Variants in COG2 observed in about 807,000 individuals in gnomAD.
COG2 encodes the protein component of oligomeric golgi complex 2.
A neutral mutation model predicts 90.6 loss-of-function variants in COG2; 52 were observed. The observed-to-expected ratio is 0.57, with a 90% confidence interval of 0.46 to 0.72. The LOEUF (loss-of-function observed/expected upper bound fraction) is 0.72, where lower values mean the gene tolerates loss of function less well. Among genes scored for constraint, COG2 ranks in the 30% least tolerant of loss-of-function variants. The pLI is 0.00. For missense variants in COG2, 829 were observed against 891.2 expected, an observed-to-expected ratio of 0.93 and a Z score of 0.89; for synonymous variants, 337 against 320.4, an observed-to-expected ratio of 1.05 and a Z score of -0.55.
At position 230,693,721 on chromosome 1, in the gene COG2, A is replaced by G. The variant is rs1188795926; in HGVS notation, c.*328A>G. The G allele has an allele frequency of 5.6e-6, 1 of 179,442 alleles. No individual in the cohort carries two copies. Among genetic ancestry groups the G allele is most frequent in the Non-Finnish European group, 1.2e-5 (1 of 86,144 alleles). The allele number at this position is 179,442 out of a possible 1,614,324, so 11.1% of individuals were successfully genotyped here. ...GATTTCTAAAATATGATTAAAGTAA[A>G]TATATACCTATGAATATCAAGAGTC... On this transcript the variant is annotated 3_prime_UTR_variant, in exon 18 of 18. Transcript: ENST00000366669.
chr1:230,676,275 T>C (rs1220427803), intron 9 of COG2, among the ~76,000 whole-genome samples: 1 of 152,190 alleles, frequency 6.6e-6, no homozygotes, highest in Non-Finnish European at 1.5e-5. Flanking sequence ...CTTCCTCCCT[T>C]CTTTTTTCAC....
At chr1:230,691,620 G>A (rs1257280961) in intron 17 of COG2, 56 bp downstream of exon 17, 8 of 1,524,514 alleles carry the variant, frequency 5.2e-6, no homozygotes, top group Admixed American at 1.8e-5. Flanking sequence ...TCTGAGAGCC[G>A]GGCAGTTACT....
chr1:230,647,217 T>C (rs1661809387), intron 1 of COG2, among the ~76,000 whole-genome samples: 1 of 152,206 alleles, frequency 6.6e-6, no homozygotes, highest in Non-Finnish European at 1.5e-5. Flanking sequence ...TTAGTAGCTA[T>C]CTTGGTTATC....
Position 230,687,987 on chromosome 1 carries a change from T to C in COG2, c.1579-84T>C. On this transcript the variant is annotated intron_variant, in intron 13 of 17. Coordinates refer to ENST00000366669, the MANE Select transcript of COG2 (RefSeq NM_007357.3). ...AAGTTCACCATTCATTAGCAAATTC[T>C]AGAGTTTGTAGATGCAAATAGAATT... 3.4e-6 allele frequency: 3 copies of C among 885,050 alleles called. No individual in the cohort carries two copies. The South Asian group carries it at 5.2e-5, about 15-fold the overall frequency. 54.8% of individuals were successfully genotyped at this position (885,050 alleles called of 1,614,324 possible). A position where few individuals can be genotyped will look rare whatever the true frequency, so the allele number is the denominator to read the frequency against.
At position 230,663,151 on chromosome 1, in the gene COG2, C is replaced by T. The variant is rs773367874; in HGVS notation, c.311C>T (p.Ser104Leu). The stretch of plus-strand genomic sequence containing the variant: ...TTTTGTCTTTTAAAGAGCCTTAGAT[C>T]GTCTGTCAGTGAAGGAATTCGGGCA... ...QLREEVLSLR[S>L]SVSEGIRAVD... The change falls in exon 4 of 18, where the codon TCG becomes TTG. Residue 104 changes from serine to leucine, a missense_variant. Transcript: ENST00000366669. The T allele has an allele frequency of 5.6e-6, 9 of 1,604,764 alleles. No homozygotes were observed. The highest frequency in any genetic ancestry group is 3.4e-5 in the Admixed American group (2 of 59,014).
intron 10 of COG2, chr1:230,679,728 A>C (rs1326022132): frequency 6.6e-6 from 1 of 152,220 alleles, no homozygotes; most frequent in Non-Finnish European, 1.5e-5. Flanking sequence ...ACATGATAAG[A>C]GTCATTTTTG....
intron 10 of COG2, chr1:230,679,928 A>T (rs1041290150): frequency 2.0e-5 from 3 of 152,210 alleles, no homozygotes; most frequent in African/African-American, 7.2e-5. Context: ...TACCCTGATG[A>T]TAATTGCTTG....
intron 3 of COG2, among the ~76,000 whole-genome samples, chr1:230,661,985 A>G (rs1013613633): frequency 2.6e-5 from 4 of 151,792 alleles, no homozygotes; most frequent in African/African-American, 9.7e-5. Context: ...CCTTGGAGAT[A>G]GGGTGTTTTC....
intron 11 of COG2, 44 bp from the exon 12 acceptor site, chr1:230,685,041 G>A: frequency 6.2e-7 from 1 of 1,606,988 alleles, no homozygotes; most frequent in Non-Finnish European, 8.5e-7. Flanking sequence ...GCCTAAAATT[G>A]CCTGAAATTC....
chr1:230,678,684 G>A, intron 9 of COG2: 5 of 1,441,896 alleles, frequency 3.5e-6, no homozygotes, highest in South Asian at 1.2e-5. Flanking sequence ...CTGGGTCTCA[G>A]ATGGGCTTTG....
intron 11 of COG2, 149 bp from the exon 12 acceptor site, chr1:230,684,936 G>C (rs576861678): frequency 1.2e-6 from 1 of 848,438 alleles, no homozygotes; most frequent in South Asian, 1.7e-5. Flanking sequence ...CGTCATCCCT[G>C]TGCCTCCAAC....
At position 230,668,747 on chromosome 1, in the gene COG2, A is replaced by G; in HGVS notation, c.557A>G (p.Gln186Arg). ...EFNQLQFHAV[Q>R]SKGMPLLDKV... The stretch of plus-strand genomic sequence containing the variant: ...AATCAGTTACAGTTTCATGCTGTTC[A>G]AAGCAAAGGCATGCCTCTTTTGGAC... The change falls in exon 6 of 18, where the codon CAA becomes CGA. Residue 186 changes from glutamine (Q) to arginine (R), a missense_variant. Transcript: ENST00000366669. The G allele has an allele frequency of 2.5e-6, 4 of 1,612,354 alleles. No homozygotes were observed. Among genetic ancestry groups the G allele is most frequent in the Non-Finnish European group, 3.4e-6 (4 of 1,179,082 alleles).
At chr1:230,645,401 C>T (rs1376854035) in intron 1 of COG2, among the ~76,000 whole-genome samples, 3 of 152,132 alleles carry the variant, frequency 2.0e-5, no homozygotes, top group African/African-American at 7.2e-5. Context: ...TCATATCCTT[C>T]TGTCTCACGT....
intron 16 of COG2, among the ~76,000 whole-genome samples, chr1:230,690,509 C>G (rs1663001187): frequency 6.6e-6 from 1 of 152,332 alleles, no homozygotes; most frequent in African/African-American, 2.4e-5. Flanking sequence ...CAAAGTGGCT[C>G]TAATCATAAC....
chr1:230,674,691 A>G (rs1662541768), intron 8 of COG2, among the ~76,000 whole-genome samples: 1 of 152,180 alleles, frequency 6.6e-6, no homozygotes, highest in African/African-American at 2.4e-5. Context: ...AGATAGGAGT[A>G]TAAAGGGGTT....
intron 5 of COG2, among the ~76,000 whole-genome samples, chr1:230,665,117 A>G (rs1204155701): frequency 6.6e-6 from 1 of 152,250 alleles, no homozygotes; most frequent in African/African-American, 2.4e-5. Flanking sequence ...TGAATTTAAA[A>G]TCAGTCAGGT....
chr1:230,664,957 T>C (rs1662284231), intron 5 of COG2, among the ~76,000 whole-genome samples: 1 of 152,198 alleles, frequency 6.6e-6, no homozygotes, highest in East Asian at 1.9e-4. Context: ...AGTTGATGTA[T>C]CTTGAGGTTC....
intron 2 of COG2, among the ~76,000 whole-genome samples, chr1:230,659,878 G>A (rs980645402): frequency 1.8e-4 from 27 of 152,170 alleles, no homozygotes; most frequent in African/African-American, 6.5e-4. Flanking sequence ...GCTAGCAGTA[G>A]CAGACTGGTT....
chr1:230,691,705 G>A, intron 17 of COG2, 141 bp downstream of exon 17: 1 of 746,196 alleles, frequency 1.3e-6, no homozygotes, highest in South Asian at 1.9e-5. Context: ...CTAGGAGTCG[G>A]GGCTCCCAAA....
Sources: gnomAD v4.1 joint callset for allele counts (sites outside exome capture counted in the v4.1 genomes callset) on GRCh38, gnomAD v4.1.1 for gene constraint, MANE v1.5 for transcripts, NCBI Gene and HGNC (gene_info 2026-07-23, HGNC 2026-07-21) for gene names.